The following DCLK3 variants were observed in gnomAD, a reference collection of about 807,000 sequenced individuals.
DCLK3 encodes the protein doublecortin like kinase 3, also known as serine/threonine-protein kinase DCLK3.
DCLK3 carries 30 observed loss-of-function variants against 46.4 expected under a neutral mutation model. The observed-to-expected ratio is 0.65, with a 90% CI of 0.48 to 0.88. The LOEUF is 0.88. Ranked by LOEUF, DCLK3 falls within the 40% of genes least tolerant of loss-of-function variation. DCLK3 has a pLI of 0.00. For synonymous variants in DCLK3, 401 were observed against 339.2 expected (o/e 1.18, Z -2.00); for missense variants, 846 against 907.1 (o/e 0.93, Z 0.87).
intron 2 of DCLK3, among the ~76,000 whole-genome samples, chr3:36,727,750 C>T (rs1178096937): frequency 6.6e-6 from 1 of 152,200 alleles, no homozygotes; most frequent in African/African-American, 2.4e-5. Context: ...CTGTCTCCAG[C>T]TTCTGCTGTC....
chr3:36,728,116 T>C (rs756558370), intron 2 of DCLK3, among the ~76,000 whole-genome samples: 14 of 152,336 alleles, frequency 9.2e-5, no homozygotes, highest in South Asian at 2.1e-4. Context: ...ATCCCATTTA[T>C]GGCAAGCTTA....
chr3:36,736,711 G>C (rs1399970234), intron 2 of DCLK3, among the ~76,000 whole-genome samples: 1 of 152,192 alleles, frequency 6.6e-6, no homozygotes, highest in East Asian at 1.9e-4. Context: ...TCAAACCCAA[G>C]TTATCTGACC....
intron 1 of DCLK3, among the ~76,000 whole-genome samples, chr3:36,759,633 C>G (rs1366270133): frequency 6.6e-6 from 1 of 152,184 alleles, no homozygotes; most frequent in Admixed American, 6.5e-5. Flanking sequence ...CCATCACACT[C>G]CATGCTCCAA....
chr3:36,728,558 C>T (rs1412583122), intron 2 of DCLK3, among the ~76,000 whole-genome samples: 1 of 152,122 alleles, frequency 6.6e-6, no homozygotes, highest in Admixed American at 6.5e-5. Context: ...TCCTCCCCCT[C>T]CTCCTGGGAC....
chr3:36,738,142 T>A lies in DCLK3; in HGVS notation c.1025A>T (p.Asp342Val), dbSNP rs1701292905. ...ELDMGKGPMY[D>V]VEKLVRTRSC... ...TCTGGTCCTCACCAGCTTCTCCACA[T>A]CATACATTGGGCCCTTCCCCATATC... is the stretch of plus-strand genomic sequence containing the variant. The change falls in exon 2 of 5, where the codon GAT becomes GTT. Residue 342 changes from aspartate (D) to valine (V), a missense_variant. Physicochemically the swap from Asp to Val is radical, Grantham distance 152. This residue lies in a region of DCLK3 where 553 missense variants were observed against 543.0 expected (regional missense o/e 1.02). Coordinates refer to ENST00000636136, the MANE Select transcript of DCLK3 (RefSeq NM_001394672.2). The A allele has an allele frequency of 6.2e-7, 1 of 1,614,068 alleles. No homozygotes were observed. The highest frequency in any genetic ancestry group is 1.3e-5 in the African/African-American group (1 of 75,038).
chr3:36,741,862 G>C (rs1701347836), intron 1 of DCLK3, among the ~76,000 whole-genome samples: 2 of 152,178 alleles, frequency 1.3e-5, no homozygotes, highest in South Asian at 4.1e-4. Context: ...TAATAGCTCT[G>C]AAGCAGACCT....
In DCLK3 at chr3:36,737,478, GC is replaced by G; in HGVS notation, c.1688del (p.Gly563AlafsTer11). The G allele has an allele frequency of 6.2e-7, 1 of 1,614,150 alleles. No individual in the cohort carries two copies. Among genetic ancestry groups the G allele is most frequent in the Non-Finnish European group, 8.5e-7 (1 of 1,180,016 alleles). Reference sequence around the variant, plus strand: ...TCTCACTGTCCACCATGTCCTCCTTGCCCTTGAGTCTGGACTTGTCAATGAT... The same window carrying G: ...TCTCACTGTCCACCATGTCCTCCTTGCCTTGAGTCTGGACTTGTCAATGAT... ...MKIIDKSRLK[G>X]KEDMVDSEIL... On this transcript the variant is annotated frameshift_variant, in exon 2 of 5. Coordinates refer to ENST00000636136, the MANE Select transcript of DCLK3 (RefSeq NM_001394672.2). LOFTEE classifies it high-confidence loss of function. The surrounding 1 kb of genome is among the most constrained non-coding windows in gnomAD (Gnocchi z 4.4).
chr3:36,727,552 C>A (rs759466908), intron 2 of DCLK3, among the ~76,000 whole-genome samples: 6 of 152,080 alleles, frequency 3.9e-5, no homozygotes, highest in Non-Finnish European at 7.4e-5. Context: ...TGATATGGAC[C>A]TATGTGAGAT....
chr3:36,730,112 A>T (rs558539270), intron 2 of DCLK3, among the ~76,000 whole-genome samples: 1 of 152,154 alleles, frequency 6.6e-6, no homozygotes, highest in East Asian at 1.9e-4. Context: ...CGGAGGTTGC[A>T]GTGAGCTGAG....
At position 36,737,608 on chromosome 3, in the gene DCLK3, T is replaced by C. The variant is rs1044279803; in HGVS notation, c.1559A>G (p.Asn520Ser). 6.2e-7 allele frequency: 1 copy of C among 1,614,176 alleles called. No individual in the cohort carries two copies. The highest frequency in any genetic ancestry group is 1.1e-5 in the South Asian group (1 of 91,080). The change falls in exon 2 of 5, where the codon AAT (asparagine) becomes AGT (serine). Residue 520 changes from asparagine (N) to serine (S), a missense_variant. Physicochemically the swap from Asn to Ser is conservative, Grantham distance 46 (BLOSUM62 1). Coordinates refer to ENST00000636136, the MANE Select transcript of DCLK3 (RefSeq NM_001394672.2). The surrounding 1 kb of genome is among the most constrained non-coding windows in gnomAD (Gnocchi z 4.4). ...GCCAGTCTCATAATGCTTTTCCACA[T>C]TGGCGGCAATGATGCCCATGGGCCG... ...KPRPMGIIAA[N>S]VEKHYETGRV...
In DCLK3 at chr3:36,739,102, C is replaced by A. The variant is rs886281499; in HGVS notation, c.83-18G>T. 12 of 398,280 alleles carry A rather than the reference C, an allele frequency of 3.0e-5. No homozygotes were observed. Among genetic ancestry groups the A allele is most frequent in the Non-Finnish European group, 4.9e-5 (11 of 226,082 alleles). The allele number at this position is 398,280 out of a possible 1,614,324, so 24.7% of individuals were successfully genotyped here. A position where few individuals can be genotyped will look rare whatever the true frequency, so the allele number is the denominator to read the frequency against. On this transcript the variant is annotated intron_variant, in intron 1 of 4. Transcript: ENST00000636136. ...TTGCTGTCCTGCAACAAGAAAAGGA[C>A]AACAGAGTATTAGTTAAGATGGGTT...
chr3:36,759,509 G>A (rs137996675), intron 1 of DCLK3, among the ~76,000 whole-genome samples: 47 of 152,302 alleles, frequency 3.1e-4, no homozygotes, highest in African/African-American at 1.1e-3. Flanking sequence ...AGTAACCTTC[G>A]TTGAGTTAAA....
In DCLK3 at chr3:36,713,253, G is replaced by A. The variant is rs1316968182; in HGVS notation, c.*2075C>T. The A allele has an allele frequency of 2.6e-5, 4 of 151,938 alleles. No homozygotes were observed. Among genetic ancestry groups the A allele is most frequent in the African/African-American group, 9.7e-5 (4 of 41,356 alleles). The allele number at this position is 151,938 out of a possible 1,614,324, so 9.4% of individuals were successfully genotyped here. ...ACTGAATCTATACAAGAGATCCAAA[G>A]GTATAGGAGAAAAAAAAACCAGAAA... On this transcript the variant is annotated 3_prime_UTR_variant, in exon 5 of 5. Transcript: ENST00000636136.
At chr3:36,730,247 A>T (rs561513196) in intron 2 of DCLK3, among the ~76,000 whole-genome samples, 1 of 152,072 alleles carries the variant, frequency 6.6e-6, no homozygotes, top group South Asian at 2.1e-4. Context: ...AACATACCAT[A>T]ATACAAAAGT....
In DCLK3 at chr3:36,713,403, G is replaced by A. The variant is rs778530454; in HGVS notation, c.*1925C>T. 2.6e-5 allele frequency: 4 copies of A among 152,190 alleles called. No homozygotes were observed. The highest frequency in any genetic ancestry group is 6.5e-5 in the Admixed American group (1 of 15,278). 9.4% of individuals were successfully genotyped at this position (152,190 alleles called of 1,614,324 possible). A position where few individuals can be genotyped will look rare whatever the true frequency, so the allele number is the denominator to read the frequency against. On this transcript the variant is annotated 3_prime_UTR_variant, in exon 5 of 5. Coordinates refer to ENST00000636136, the MANE Select transcript of DCLK3 (RefSeq NM_001394672.2). ...ATTTAGTGAAATGAAGGTTACTGGTGTCTTTATCAAAATATGTTCTAGTAG... is the reference window on the plus strand; with the variant it reads ...ATTTAGTGAAATGAAGGTTACTGGTATCTTTATCAAAATATGTTCTAGTAG...
rs1268015923 is a variant in DCLK3, at chr3:36,712,582, C to T, written c.*2746G>A. ...CTTCCCCAAAGTTACCAAGTGTTCC[C>T]TTGCAATCCTTCTGTCCCTCCTCTC... On this transcript the variant is annotated 3_prime_UTR_variant, in exon 5 of 5. Coordinates refer to ENST00000636136, the MANE Select transcript of DCLK3 (RefSeq NM_001394672.2). 2.0e-5 allele frequency: 3 copies of T among 152,182 alleles called. No individual in the cohort carries two copies. The highest frequency in any genetic ancestry group is 4.4e-5 in the Non-Finnish European group (3 of 68,036). 9.4% of individuals were successfully genotyped at this position (152,182 alleles called of 1,614,324 possible).
At chr3:36,715,993 T>G (rs1217085918) in intron 4 of DCLK3, among the ~76,000 whole-genome samples, 7 of 152,242 alleles carry the variant, frequency 4.6e-5, no homozygotes, top group African/African-American at 1.4e-4. Context: ...TAACACATTG[T>G]TAAATAAAAT....
Position 36,712,819 on chromosome 3 carries a change from T to C in DCLK3, c.*2509A>G, listed in dbSNP as rs1700926720. The C allele has an allele frequency of 6.6e-6, 1 of 152,232 alleles. No homozygotes were observed. Among genetic ancestry groups the C allele is most frequent in the African/African-American group, 2.4e-5 (1 of 41,476 alleles). The allele number at this position is 152,232 out of a possible 1,614,324, so 9.4% of individuals were successfully genotyped here. A position where few individuals can be genotyped will look rare whatever the true frequency, so the allele number is the denominator to read the frequency against. ...TGTTATTCATTGTGTGGATATACAATCTGTTTATCCATGCACCAAATCATG... is the reference window on the plus strand; with the variant it reads ...TGTTATTCATTGTGTGGATATACAACCTGTTTATCCATGCACCAAATCATG... On this transcript the variant is annotated 3_prime_UTR_variant, in exon 5 of 5. Coordinates refer to ENST00000636136, the MANE Select transcript of DCLK3 (RefSeq NM_001394672.2).
Position 36,721,580 on chromosome 3 carries a change from A to T in DCLK3, c.2039T>A (p.Phe680Tyr). 1 of 1,614,208 alleles carries T rather than the reference A, an allele frequency of 6.2e-7. No homozygotes were observed. Among genetic ancestry groups the T allele is most frequent in the Non-Finnish European group, 8.5e-7 (1 of 1,180,030 alleles). ...GLAKHVVRPI[F>Y]TVCGTPTYVA... is the part of the protein sequence containing the mutation. ...GTAAGTTGGGGTCCCACACACAGTA[A>T]ATATAGGTCTCACCACATGCTTTGC... The change falls in exon 3 of 5, where the codon TTT becomes TAT. Residue 680 changes from phenylalanine to tyrosine, a missense_variant. Phe to Tyr is a conservative substitution (Grantham distance 22, BLOSUM62 3). This residue lies in a region of DCLK3 where 247 missense variants were observed against 322.8 expected (regional missense o/e 0.77). Transcript: ENST00000636136.
Sources: allele counts gnomAD v4.1 joint callset (sites outside exome capture counted in the v4.1 genomes callset), GRCh38; gene constraint gnomAD v4.1.1; regional missense constraint gnomAD v4.1.1; non-coding constraint Gnocchi (gnomAD v3.1); transcripts MANE v1.5; gene names NCBI Gene and HGNC (gene_info 2026-07-23, HGNC 2026-07-21).